NAALADL2: variants seen among roughly 807,000 people sequenced by gnomAD.
NAALADL2 encodes N-acetylated alpha-linked acidic dipeptidase like 2.
NAALADL2 carries 76 observed loss-of-function variants against 87.2 expected under a neutral mutation model. The ratio of observed to expected loss-of-function variants is 0.87; its 90% CI spans 0.72 to 1.05. NAALADL2 has a LOEUF of 1.05. NAALADL2 is among the 50% of genes least tolerant of loss of function. The pLI is 0.00. For synonymous variants in NAALADL2, 354 were observed against 331.0 expected (o/e 1.07, Z -0.75); for missense variants, 1,089 against 945.8 (o/e 1.15, Z -1.99).
At chr3:175,725,606 A>T (rs1434887867) in intron 11 of NAALADL2, among the ~76,000 whole-genome samples, 2 of 152,072 alleles carry the variant, frequency 1.3e-5, no homozygotes, top group African/African-American at 4.8e-5. Context: ...GGTATTCCCT[A>T]TTTGCTAAAA....
chr3:174,533,766 G>A (rs1052575133), intron 1 of NAALADL2, among the ~76,000 whole-genome samples: 1 of 152,058 alleles, frequency 6.6e-6, no homozygotes, highest in African/African-American at 2.4e-5. Flanking sequence ...TGACAATAAA[G>A]CATCATTCCA....
chr3:174,473,745 G>T lies in NAALADL2; in HGVS notation c.-184+32713G>T, dbSNP rs577141958. ...AAAAAATATATGTTCATTTGTTATG[G>T]ATTTCACTATTTGATTAGATGTTAT... On this transcript the variant is annotated intron_variant, in intron 1 of 3. Transcript: ENST00000434257. Among the ~76,000 whole-genome samples the T allele has an allele frequency of 1.1e-4, 17 of 152,132 alleles. No homozygotes were observed. The South Asian group carries it at 3.1e-3, about 28-fold the overall frequency.
At chr3:175,769,693 G>A (rs1185934660) in intron 13 of NAALADL2, among the ~76,000 whole-genome samples, 1 of 151,684 alleles carries the variant, frequency 6.6e-6, no homozygotes, top group Non-Finnish European at 1.5e-5. Context: ...CAGAACAATA[G>A]GACAATAGGA....
intron 2 of NAALADL2, among the ~76,000 whole-genome samples, chr3:175,190,038 C>T (rs1473171853): frequency 6.6e-6 from 1 of 152,034 alleles, no homozygotes; most frequent in Admixed American, 6.6e-5. Flanking sequence ...TATCTTACAT[C>T]ATATGCAAAA....
chr3:175,189,681 T>C (rs975927645), intron 2 of NAALADL2, among the ~76,000 whole-genome samples: 3 of 152,170 alleles, frequency 2.0e-5, no homozygotes, highest in African/African-American at 7.2e-5. Flanking sequence ...CCTGTCAAGA[T>C]AAGAATAACA....
chr3:174,754,017 C>T (rs1290581122), intron 3 of NAALADL2, among the ~76,000 whole-genome samples: 3 of 152,184 alleles, frequency 2.0e-5, no homozygotes, highest in Non-Finnish European at 4.4e-5. Flanking sequence ...CAGATCTCAA[C>T]TTTTATCCTC....
In NAALADL2 at chr3:174,859,427, G is replaced by C; in HGVS notation, c.20G>C (p.Ser7Thr). The C allele has an allele frequency of 6.2e-7, 1 of 1,610,864 alleles. No homozygotes were observed. The highest frequency in any genetic ancestry group is 2.2e-5 in the East Asian group (1 of 44,754). Residue 7 changes from serine (S) to threonine (T), a missense_variant, in exon 1 of 14, where the codon AGT becomes ACT. Ser to Thr is a moderately conservative substitution (Grantham distance 58, BLOSUM62 1). Coordinates refer to ENST00000454872, the MANE Select transcript of NAALADL2 (RefSeq NM_207015.3). MGENEASLPNTSLQGKK... is the reference protein window; with the variant it reads MGENEATLPNTSLQGKK... ...AATAAAATGGGAGAGAATGAAGCAA[G>C]TTTACCTAACACGTCTTTGCAAGGT...
At chr3:174,839,753 A>C (rs926086222) in intron 3 of NAALADL2, among the ~76,000 whole-genome samples, 6 of 152,114 alleles carry the variant, frequency 3.9e-5, no homozygotes, top group African/African-American at 1.4e-4. Context: ...CATGCTCTAC[A>C]TACACTAATT....
chr3:175,300,262 T>G (rs1168909968), intron 4 of NAALADL2, among the ~76,000 whole-genome samples: 1 of 152,198 alleles, frequency 6.6e-6, no homozygotes, highest in East Asian at 1.9e-4. Context: ...TTTGTTGTTG[T>G]GTCTCTGCTA....
chr3:175,637,470 G>C (rs1286426442), intron 11 of NAALADL2, among the ~76,000 whole-genome samples: 1 of 152,192 alleles, frequency 6.6e-6, no homozygotes, highest in African/African-American at 2.4e-5. Context: ...GGCTTCATGA[G>C]AGGTGTTTGG....
chr3:175,160,360 CTTTTTTTTT>C (rs71164618), intron 2 of NAALADL2, among the ~76,000 whole-genome samples: 16 of 57,034 alleles, frequency 2.8e-4, no homozygotes, highest in African/African-American at 3.8e-4. Context: ...TCTTTTCTTT[CTTTTTTTTT>C]TTTTTTTTTT....
At chr3:175,092,242 A>T (rs1001937376) in intron 1 of NAALADL2, among the ~76,000 whole-genome samples, 1 of 151,892 alleles carries the variant, frequency 6.6e-6, no homozygotes, top group African/African-American at 2.4e-5. Flanking sequence ...TTTATGCATA[A>T]AATTAAGCAT....
chr3:175,382,087 G>T (rs1043564865), intron 5 of NAALADL2, among the ~76,000 whole-genome samples: 9 of 152,140 alleles, frequency 5.9e-5, no homozygotes, highest in Non-Finnish European at 1.2e-4. Flanking sequence ...TACCACGGGA[G>T]GGGAGCGCCT....
intron 13 of NAALADL2, among the ~76,000 whole-genome samples, chr3:175,796,941 A>G (rs1474286959): frequency 6.9e-6 from 1 of 144,826 alleles, no homozygotes; most frequent in African/African-American, 2.7e-5. Flanking sequence ...TTAAAAATTC[A>G]TGGCTTTTTT....
At chr3:174,662,285 G>A (rs9873780) in intron 2 of NAALADL2, among the ~76,000 whole-genome samples, 11,224 of 152,146 alleles carry the variant, frequency 0.074, 1,391 homozygotes, top group African/African-American at 0.26. Flanking sequence ...ACAACTTGAA[G>A]TGGAGAGTAT....
At chr3:174,807,162 A>G (rs1489038844) in intron 3 of NAALADL2, among the ~76,000 whole-genome samples, 1 of 152,160 alleles carries the variant, frequency 6.6e-6, no homozygotes, top group Non-Finnish European at 1.5e-5. Context: ...ATGATGTGCT[A>G]CTTTAATTGA....
At chr3:175,462,922 CTTTA>C (rs1308836558) in intron 6 of NAALADL2, among the ~76,000 whole-genome samples, 6 of 152,018 alleles carry the variant, frequency 3.9e-5, no homozygotes, top group Admixed American at 6.6e-5. Flanking sequence ...TTGTATAATG[CTTTA>C]TTTATCATTT....
At chr3:174,748,621 G>T (rs1390486885) in intron 3 of NAALADL2, among the ~76,000 whole-genome samples, 1 of 152,168 alleles carries the variant, frequency 6.6e-6, no homozygotes, top group Non-Finnish European at 1.5e-5. Context: ...ATTTGGAAAA[G>T]ATGCCAGCAT....
intron 5 of NAALADL2, among the ~76,000 whole-genome samples, chr3:175,398,429 A>T (rs1041189528): frequency 1.4e-5 from 2 of 147,812 alleles, no homozygotes; most frequent in African/African-American, 5.1e-5. Context: ...CTCCTCTGCT[A>T]ATCTGTATCC....
Sources: allele counts gnomAD v4.1 joint callset (sites outside exome capture counted in the v4.1 genomes callset), GRCh38; gene constraint gnomAD v4.1.1; transcripts MANE v1.5; gene names NCBI Gene and HGNC (gene_info 2026-07-23, HGNC 2026-07-21).